NTRK3: variants seen among roughly 807,000 people sequenced by gnomAD.
NTRK3 encodes the protein NT-3 growth factor receptor.
Under a neutral mutation model 91.7 loss-of-function variants are expected in NTRK3, and 24 were observed. That is an observed-to-expected ratio of 0.26 (90% CI 0.19 to 0.37). The LOEUF (loss-of-function observed/expected upper bound fraction) is 0.37, where lower values mean the gene tolerates loss of function less well. NTRK3 is among the 10% of genes least tolerant of loss of function. NTRK3 has a pLI of 1.00. For synonymous variants in NTRK3, 483 were observed against 404.0 expected, an observed-to-expected ratio of 1.20 and a Z score of -2.34; for missense variants, 880 against 1,068.9, an observed-to-expected ratio of 0.82 and a Z score of 2.46.
rs571032872 is a variant in NTRK3, at chr15:88,074,339, T to C, written c.1397-41294A>G. Among the ~76,000 whole-genome samples the C allele has an allele frequency of 1.1e-4, 17 of 152,362 alleles. No homozygotes were observed. In the East Asian group the frequency reaches 3.3e-3, roughly 29 times the overall value. On this transcript the variant is annotated intron_variant, in intron 13 of 18. Transcript: ENST00000394480. ...TGGCACTGCCCAAAATGGTGGCCAC[T>C]GGCCACATGTGGTTACTGAGCTCTT... is the stretch of plus-strand genomic sequence containing the variant.
intron 13 of NTRK3, among the ~76,000 whole-genome samples, chr15:88,058,252 G>C (rs1437197467): frequency 6.6e-6 from 1 of 152,172 alleles, no homozygotes; most frequent in Non-Finnish European, 1.5e-5. Flanking sequence ...GACAGTTCTT[G>C]AGTTCAAATC....
At chr15:87,972,273 A>C (rs1347576627) in intron 14 of NTRK3, among the ~76,000 whole-genome samples, 5 of 152,228 alleles carry the variant, frequency 3.3e-5, no homozygotes, top group Non-Finnish European at 5.9e-5. Flanking sequence ...CAAGCTGGTC[A>C]TCACTGCAAT....
intron 14 of NTRK3, among the ~76,000 whole-genome samples, chr15:88,015,679 T>A (rs549971709): frequency 1.3e-5 from 2 of 152,200 alleles, no homozygotes; most frequent in Non-Finnish European, 2.9e-5. Context: ...GTGGACTCCC[T>A]CATGCGGGGA....
At chr15:87,944,744 G>T (rs1332082471) in intron 14 of NTRK3, among the ~76,000 whole-genome samples, 1 of 152,220 alleles carries the variant, frequency 6.6e-6, no homozygotes, top group Non-Finnish European at 1.5e-5. Flanking sequence ...GAGGGCAGGA[G>T]CCCCCGCTGG....
At chr15:88,093,056 G>GT (rs1054739944) in intron 13 of NTRK3, among the ~76,000 whole-genome samples, 94 of 146,836 alleles carry the variant, frequency 6.4e-4, no homozygotes, top group African/African-American at 2.0e-3. Flanking sequence ...TGGCTTTGGG[G>GT]TTTTTTTTGT....
intron 13 of NTRK3, among the ~76,000 whole-genome samples, chr15:88,053,263 C>T (rs946866632): frequency 1.3e-5 from 2 of 152,080 alleles, no homozygotes; most frequent in Non-Finnish European, 2.9e-5. Flanking sequence ...TTATATAGGT[C>T]ACAAGGGTTA....
At chr15:87,994,439 G>A (rs1358564450) in intron 14 of NTRK3, among the ~76,000 whole-genome samples, 1 of 152,128 alleles carries the variant, frequency 6.6e-6, no homozygotes, top group African/African-American at 2.4e-5. Flanking sequence ...GAACATGAAG[G>A]CAGAGATCTG....
rs575312144 is a variant in NTRK3 at position 88,183,282 on chromosome 15, A to G, written c.395+136T>C. The stretch of plus-strand genomic sequence containing the variant: ...TAATCCTTTTAAGAGGCAAAATTGG[A>G]AGCCCAATAAAGTTCAAAACCTTGC... On this transcript the variant is annotated intron_variant, in intron 5 of 18. Coordinates refer to ENST00000394480, the Ensembl canonical transcript of NTRK3. The G allele has an allele frequency of 1.3e-3, 1,005 of 802,822 alleles. 2 individuals are homozygous for G. The highest frequency in any genetic ancestry group is 1.4e-3 in the Non-Finnish European group (653 of 467,054). The allele number at this position is 802,822 out of a possible 1,614,324, so 49.7% of individuals were successfully genotyped here. A position where few individuals can be genotyped will look rare whatever the true frequency, so the allele number is the denominator to read the frequency against.
intron 5 of NTRK3, among the ~76,000 whole-genome samples, chr15:88,148,031 T>C (rs913240337): frequency 6.6e-6 from 1 of 152,174 alleles, no homozygotes; most frequent in African/African-American, 2.4e-5. Context: ...AACAAACAAC[T>C]TTTGATGTGA....
chr15:87,994,372 C>T (rs1203853280), intron 14 of NTRK3, among the ~76,000 whole-genome samples: 3 of 152,158 alleles, frequency 2.0e-5, no homozygotes, highest in Non-Finnish European at 4.4e-5. Flanking sequence ...ATTACTACGT[C>T]CTTATACAAA....
intron 13 of NTRK3, among the ~76,000 whole-genome samples, chr15:88,052,550 T>C (rs570243760): frequency 8.5e-5 from 13 of 152,346 alleles, no homozygotes; most frequent in Middle Eastern, 3.4e-3. Flanking sequence ...GGCTGCCACA[T>C]CCAAGAGTGG....
chr15:87,968,998 A>G (rs1179723289), intron 14 of NTRK3, among the ~76,000 whole-genome samples: 1 of 152,008 alleles, frequency 6.6e-6, no homozygotes, highest in Admixed American at 6.6e-5. Flanking sequence ...TACTTCTTTT[A>G]TCTCCTCACA....
rs2041981747 is a variant in NTRK3 at position 88,137,401 on chromosome 15, C to T, written c.622+3G>A. ...CAGCTGGGCCAGGCGGCCACTCACT[C>T]ACCACACTGACTGATGTTCATGCGG... On this transcript the variant is annotated splice_donor_region_variant and intron_variant, in intron 7 of 18. Coordinates refer to ENST00000394480, the Ensembl canonical transcript of NTRK3. 6.2e-7 allele frequency: 1 copy of T among 1,613,372 alleles called. No individual in the cohort carries two copies. The highest frequency in any genetic ancestry group is 8.5e-7 in the Non-Finnish European group (1 of 1,179,952).
intron 14 of NTRK3, among the ~76,000 whole-genome samples, chr15:88,031,063 G>A (rs1053077649): frequency 6.6e-6 from 1 of 152,208 alleles, no homozygotes; most frequent in African/African-American, 2.4e-5. Flanking sequence ...CTCAGGAAGA[G>A]TGACAGTGGC....
intron 13 of NTRK3, among the ~76,000 whole-genome samples, chr15:88,046,366 G>C (rs535026510): frequency 1.7e-4 from 26 of 152,056 alleles, no homozygotes; most frequent in Admixed American, 1.5e-3. Flanking sequence ...ACTAGAAAAG[G>C]GGAGAAAAAA....
intron 17 of NTRK3, among the ~76,000 whole-genome samples, chr15:87,890,614 G>C (rs972928022): frequency 2.9e-4 from 43 of 148,752 alleles, no homozygotes; most frequent in Non-Finnish European, 1.0e-4. Flanking sequence ...CACACTTGAA[G>C]TGTTTCATTC....
chr15:88,137,288 C>A (rs966296892), intron 7 of NTRK3, 116 bp downstream of exon 7: 3 of 1,220,992 alleles, frequency 2.5e-6, no homozygotes, highest in Non-Finnish European at 3.5e-6. Flanking sequence ...GAGTTCAAGG[C>A]TGGGAGGGCG....
intron 14 of NTRK3, among the ~76,000 whole-genome samples, chr15:88,030,779 C>A (rs2078461681): frequency 6.6e-6 from 1 of 151,708 alleles, no homozygotes; most frequent in Non-Finnish European, 1.5e-5. Context: ...AAAAAAAAAT[C>A]ATTTATTTTA....
chr15:88,147,930 G>T (rs1018045773), intron 5 of NTRK3, among the ~76,000 whole-genome samples: 3 of 152,128 alleles, frequency 2.0e-5, no homozygotes, highest in Admixed American at 2.0e-4. Flanking sequence ...CTATTTAATT[G>T]TTCTCATTAG....
Sources: allele counts gnomAD v4.1 joint callset (sites outside exome capture counted in the v4.1 genomes callset), GRCh38; gene constraint gnomAD v4.1.1; transcripts MANE v1.5; gene names NCBI Gene and HGNC (gene_info 2026-07-23, HGNC 2026-07-21).